Variants in PPP3CC observed in about 807,000 individuals in gnomAD.
PPP3CC encodes the protein serine/threonine-protein phosphatase 2B catalytic subunit gamma isoform.
A neutral mutation model predicts 60.3 loss-of-function variants in PPP3CC; 35 were observed. That is an observed-to-expected ratio of 0.58 (90% CI 0.44 to 0.77). PPP3CC has a LOEUF of 0.77. Among genes scored for constraint, PPP3CC ranks in the 30% least tolerant of loss-of-function variants. The pLI is 0.00. For synonymous variants in PPP3CC, 206 were observed against 224.3 expected, an observed-to-expected ratio of 0.92 and a Z score of 0.73; for missense variants, 570 against 628.9, an observed-to-expected ratio of 0.91 and a Z score of 1.00.
chr8:22,518,067 GTT>G (rs566787134), intron 6 of PPP3CC, among the ~76,000 whole-genome samples: 1 of 142,184 alleles, frequency 7.0e-6, no homozygotes. Context: ...TTATCTTGAG[GTT>G]TTTTTTTTTT....
intron 3 of PPP3CC, among the ~76,000 whole-genome samples, chr8:22,491,884 TTC>T (rs1344828639): frequency 6.6e-6 from 1 of 152,228 alleles, no homozygotes; most frequent in Non-Finnish European, 1.5e-5. Flanking sequence ...AGAACGTATA[TTC>T]TCTACTTGTT....
rs762268555 is a variant in PPP3CC at position 22,511,901 on chromosome 8, A to G, written c.630+670A>G. On this transcript the variant is annotated intron_variant, in intron 5 of 13. Coordinates refer to ENST00000240139, the MANE Select transcript of PPP3CC (RefSeq NM_005605.5). ...AACCTCTTAGTCACATTTCTTCTCT[A>G]TGAAATGAGGAAGTTGGAAGGGATG... 8.3e-4 allele frequency among the ~76,000 whole-genome samples: 126 copies of G among 152,314 alleles called. 1 individual carries two copies. The highest frequency in any genetic ancestry group is 1.5e-3 in the Non-Finnish European group (105 of 68,026).
intron 1 of PPP3CC, among the ~76,000 whole-genome samples, chr8:22,452,065 G>T (rs1466846966): frequency 6.9e-6 from 1 of 145,526 alleles, no homozygotes; most frequent in Non-Finnish European, 1.5e-5. Flanking sequence ...TCACTCTGTT[G>T]TCTAGGCTGG....
intron 8 of PPP3CC, 116 bp downstream of exon 8, chr8:22,522,865 A>G (rs906823882): frequency 1.4e-5 from 11 of 765,920 alleles, no homozygotes; most frequent in African/African-American, 3.6e-5. Flanking sequence ...TAAATAAGAA[A>G]AAAAGGGGTC....
intron 3 of PPP3CC, among the ~76,000 whole-genome samples, chr8:22,494,203 T>C (rs1035731495): frequency 2.6e-5 from 4 of 152,176 alleles, no homozygotes; most frequent in African/African-American, 9.7e-5. Flanking sequence ...AGAGGTTTAA[T>C]TGGACTTAAC....
intron 1 of PPP3CC, among the ~76,000 whole-genome samples, chr8:22,442,163 G>T (rs1368422061): frequency 6.6e-6 from 1 of 152,154 alleles, no homozygotes. Context: ...TTAGGTTATA[G>T]TTGTTTCTCC....
intron 6 of PPP3CC, among the ~76,000 whole-genome samples, chr8:22,522,219 A>C (rs1839427180): frequency 6.6e-6 from 1 of 152,094 alleles, no homozygotes; most frequent in Non-Finnish European, 1.5e-5. Flanking sequence ...TTGTATTGTT[A>C]TGGATTAAGA....
intron 1 of PPP3CC, among the ~76,000 whole-genome samples, chr8:22,468,435 T>A (rs1320972780): frequency 6.6e-6 from 1 of 152,212 alleles, no homozygotes; most frequent in Non-Finnish European, 1.5e-5. Flanking sequence ...AACTGGAAGC[T>A]TGACATAATA....
intron 1 of PPP3CC, among the ~76,000 whole-genome samples, chr8:22,464,279 T>A (rs887995686): frequency 5.9e-5 from 9 of 152,194 alleles, no homozygotes; most frequent in African/African-American, 2.2e-4. Flanking sequence ...CTTTAAAAAA[T>A]TTTTAATAAA....
intron 12 of PPP3CC, among the ~76,000 whole-genome samples, chr8:22,536,898 A>G (rs1296127889): frequency 6.6e-6 from 1 of 152,248 alleles, no homozygotes; most frequent in Non-Finnish European, 1.5e-5. Context: ...GTTACAGTAT[A>G]CATGAAACAT....
chr8:22,457,210 G>C (rs1055388775), intron 1 of PPP3CC, among the ~76,000 whole-genome samples: 13 of 149,684 alleles, frequency 8.7e-5, no homozygotes, highest in African/African-American at 3.2e-4. Context: ...CTTCCTTTTA[G>C]TATACCTTCT....
intron 12 of PPP3CC, among the ~76,000 whole-genome samples, chr8:22,536,999 G>C (rs567382733): frequency 6.6e-6 from 1 of 152,264 alleles, no homozygotes; most frequent in East Asian, 1.9e-4. Context: ...AAGCATCCCA[G>C]TAGCCAAAAT....
At chr8:22,485,101 A>C (rs1838186549) in intron 3 of PPP3CC, among the ~76,000 whole-genome samples, 1 of 152,204 alleles carries the variant, frequency 6.6e-6, no homozygotes, top group Non-Finnish European at 1.5e-5. Context: ...ACGATGTTTG[A>C]ACATGTTACC....
chr8:22,516,651 C>T (rs548413972), intron 6 of PPP3CC, among the ~76,000 whole-genome samples: 1 of 152,300 alleles, frequency 6.6e-6, no homozygotes, highest in East Asian at 1.9e-4. Flanking sequence ...TGAGGTTGAA[C>T]AAAATGATGC....
In PPP3CC at chr8:22,527,383, C is replaced by A; in HGVS notation, c.944-9C>A. ...CTGTGCCAGATTTTCTTGCTTTTTT[C>A]CTTTTTAGCTGCTGTGTTGAAATAT... On this transcript the variant is annotated splice_polypyrimidine_tract_variant and intron_variant, in intron 8 of 13. Transcript: ENST00000240139. 1 of 1,612,856 alleles carries A rather than the reference C, an allele frequency of 6.2e-7. No individual in the cohort carries two copies.
At chr8:22,540,449 G>C (rs1788305939) in intron 13 of PPP3CC, among the ~76,000 whole-genome samples, 166 bp from the exon 14 acceptor site, 1 of 152,216 alleles carries the variant, frequency 6.6e-6, no homozygotes, top group African/African-American at 2.4e-5. Flanking sequence ...CTGCAGCCAA[G>C]ACTGATTCAG....
At chr8:22,452,814 TATC>T (rs3084078) in intron 1 of PPP3CC, among the ~76,000 whole-genome samples, 52,267 of 151,882 alleles carry the variant, frequency 0.34, 9,761 homozygotes, top group East Asian at 0.49. Context: ...CCGCCATCGC[TATC>T]ATCATCATCA....
chr8:22,532,099 CTT>C (rs1301095032), intron 10 of PPP3CC, 124 bp from the exon 11 acceptor site: 1 of 618,374 alleles, frequency 1.6e-6, no homozygotes, highest in Admixed American at 3.5e-5. Context: ...TTTAAACAAA[CTT>C]AAGCCTTCAT....
chr8:22,456,115 A>G (rs949454296), intron 1 of PPP3CC, among the ~76,000 whole-genome samples: 55 of 152,228 alleles, frequency 3.6e-4, no homozygotes, highest in African/African-American at 1.3e-3. Context: ...CAGTGAACAG[A>G]CATAGCTATT....
Sources: allele counts gnomAD v4.1 joint callset (sites outside exome capture counted in the v4.1 genomes callset), GRCh38; gene constraint gnomAD v4.1.1; transcripts MANE v1.5; gene names NCBI Gene and HGNC (gene_info 2026-07-23, HGNC 2026-07-21).